Variants in EEIG2 observed in about 807,000 individuals in gnomAD.
EEIG2 encodes the protein EEIG family member 2.
chr1:108,581,735 C>CA, the EEIG2 span, among the ~76,000 whole-genome samples: 4 of 151,926 alleles, frequency 2.6e-5, no homozygotes, highest in African/African-American at 9.7e-5. Flanking sequence ...TACATATGAG[C>CA]AAAAAAGTGG....
the EEIG2 span, chr1:108,560,175 C>G: frequency 6.3e-6 from 1 of 158,212 alleles, no homozygotes; most frequent in South Asian, 1.7e-4. Flanking sequence ...CTCACCTCCC[C>G]GGGCGAGCTG....
the EEIG2 span, among the ~76,000 whole-genome samples, chr1:108,632,946 A>T: frequency 1.9e-4 from 25 of 132,134 alleles, no homozygotes; most frequent in Admixed American, 1.1e-3. Flanking sequence ...CATGCCCAGC[A>T]TTTTTTTTTT....
chr1:108,607,901 C>G, the EEIG2 span, among the ~76,000 whole-genome samples: 1 of 152,160 alleles, frequency 6.6e-6, no homozygotes, highest in African/African-American at 2.4e-5. Flanking sequence ...TTATCTCCCT[C>G]CATCCTCCAT....
At chr1:108,604,987 G>A in the EEIG2 span, among the ~76,000 whole-genome samples, 168 of 152,126 alleles carry the variant, frequency 1.1e-3, 5 homozygotes, top group East Asian at 9.5e-3. Flanking sequence ...AGGTTTCAGT[G>A]AGCTGTGGTC....
the EEIG2 span, among the ~76,000 whole-genome samples, chr1:108,579,764 T>TGAGAGAGAGAGAGAGAGA: frequency 6.9e-4 from 12 of 17,300 alleles, no homozygotes; most frequent in Non-Finnish European, 2.2e-3. Context: ...TGTGTGTGTG[T>TGAGAGAGAGAGAGAGAGA]GTGTGTGTGA....
chr1:108,570,102 A>G, the EEIG2 span, among the ~76,000 whole-genome samples: 15 of 152,244 alleles, frequency 9.9e-5, no homozygotes, highest in Non-Finnish European at 1.9e-4. Context: ...AGTAATAAAT[A>G]TAAACTCAAG....
At chr1:108,591,529 T>C in the EEIG2 span, among the ~76,000 whole-genome samples, 1 of 152,182 alleles carries the variant, frequency 6.6e-6, no homozygotes, top group Non-Finnish European at 1.5e-5. Flanking sequence ...TTTATAATAT[T>C]TGTTTATTTG....
the EEIG2 span, chr1:108,606,125 G>C: frequency 1.4e-6 from 1 of 691,722 alleles, no homozygotes; most frequent in Non-Finnish European, 2.2e-6. Context: ...TATGATATTT[G>C]CCAGCATATA....
chr1:108,585,838 G>C, the EEIG2 span, among the ~76,000 whole-genome samples: 4 of 151,994 alleles, frequency 2.6e-5, no homozygotes, highest in Non-Finnish European at 5.9e-5. Context: ...TGGCCATGTC[G>C]TTGGCTCATT....
chr1:108,611,937 T>A, the EEIG2 span, among the ~76,000 whole-genome samples: 1 of 152,050 alleles, frequency 6.6e-6, no homozygotes, highest in African/African-American at 2.4e-5. Flanking sequence ...ATTTACCACA[T>A]CAAATCTGAG....
the EEIG2 span, among the ~76,000 whole-genome samples, chr1:108,599,420 T>C: frequency 6.6e-6 from 1 of 152,200 alleles, no homozygotes; most frequent in Non-Finnish European, 1.5e-5. Context: ...TAGTTTTCTC[T>C]TTATTTCATC....
chr1:108,579,772 T>TGTGAGAGAGAGAGA, the EEIG2 span, among the ~76,000 whole-genome samples: 2,455 of 58,946 alleles, frequency 0.042, 91 homozygotes, highest in Middle Eastern at 0.078. Context: ...TGTGTGTGTG[T>TGTGAGAGAGAGAGA]GAGAGAGAGA....
At chr1:108,583,216 G>A in the EEIG2 span, among the ~76,000 whole-genome samples, 4 of 151,892 alleles carry the variant, frequency 2.6e-5, no homozygotes, top group Non-Finnish European at 5.9e-5. Context: ...GAGTGCAGTA[G>A]CACAGTCATA....
the EEIG2 span, among the ~76,000 whole-genome samples, chr1:108,608,341 A>G: frequency 6.6e-6 from 1 of 152,184 alleles, no homozygotes; most frequent in Admixed American, 6.5e-5. Flanking sequence ...TTCACACTGC[A>G]TTAAAGAATC....
chr1:108,603,309 A>C, the EEIG2 span, among the ~76,000 whole-genome samples: 1 of 152,240 alleles, frequency 6.6e-6, no homozygotes, highest in African/African-American at 2.4e-5. Flanking sequence ...CAGCAATCTT[A>C]ACAGGTCTAA....
chr1:108,632,892 C>T, the EEIG2 span, among the ~76,000 whole-genome samples: 1 of 151,422 alleles, frequency 6.6e-6, no homozygotes, highest in African/African-American at 2.4e-5. Flanking sequence ...CCTTCAACCC[C>T]GGGCTCAGCC....
At chr1:108,562,809 A>G in the EEIG2 span, among the ~76,000 whole-genome samples, 1 of 152,188 alleles carries the variant, frequency 6.6e-6, no homozygotes, top group African/African-American at 2.4e-5. Flanking sequence ...CCTAACAACT[A>G]CAAAATTGTT....
At chr1:108,627,729 A>T in the EEIG2 span, 2 of 164,136 alleles carry the variant, frequency 1.2e-5, no homozygotes, top group Non-Finnish European at 2.7e-5. Flanking sequence ...TGCTGTTGTG[A>T]TGGATTTTTA....
At chr1:108,593,961 A>G in the EEIG2 span, among the ~76,000 whole-genome samples, 4 of 152,120 alleles carry the variant, frequency 2.6e-5, no homozygotes, top group Middle Eastern at 3.4e-3. Context: ...GTACACCACC[A>G]TGCTCAACTA....
Sources: gnomAD v4.1 joint callset for allele counts (sites outside exome capture counted in the v4.1 genomes callset) on GRCh38, gnomAD v4.1.1 for gene constraint, MANE v1.5 for transcripts, NCBI Gene and HGNC (gene_info 2026-07-23, HGNC 2026-07-21) for gene names.